The following ZNF322 variants were observed in gnomAD, a reference collection of about 807,000 sequenced individuals.
ZNF322 encodes zinc finger protein 322.
Under a neutral mutation model 18.3 loss-of-function variants are expected in ZNF322, and 1 was observed. That is an observed-to-expected ratio of 0.05 (90% CI 0.02 to 0.26). The LOEUF is 0.26. Among genes scored for constraint, ZNF322 ranks in the 10% least tolerant of loss-of-function variants. The pLI, the probability that ZNF322 is intolerant of heterozygous loss-of-function variation, is 1.00. For missense variants in ZNF322, 36 were observed against 403.6 expected, an observed-to-expected ratio of 0.09 and a Z score of 7.80; for synonymous variants, 17 against 130.7, an observed-to-expected ratio of 0.13 and a Z score of 5.93.
At chr6:26,657,645 T>TTTG (rs1367347973) in intron 2 of ZNF322, among the ~76,000 whole-genome samples, 1 of 152,182 alleles carries the variant, frequency 6.6e-6, no homozygotes, top group Non-Finnish European at 1.5e-5. Flanking sequence ...GGTTAGGACT[T>TTTG]AGTCTTTTGC....
At chr6:26,644,658 T>A (rs1279019225) in intron 2 of ZNF322, among the ~76,000 whole-genome samples, 1 of 152,218 alleles carries the variant, frequency 6.6e-6, no homozygotes, top group Non-Finnish European at 1.5e-5. Flanking sequence ...TTTCTTTTTT[T>A]TCCCCCTTTT....
intron 2 of ZNF322, among the ~76,000 whole-genome samples, chr6:26,654,019 A>G (rs1355556475): frequency 1.3e-5 from 2 of 152,192 alleles, no homozygotes; most frequent in Non-Finnish European, 2.9e-5. Flanking sequence ...AAAGATAAAA[A>G]TAACTCGAAT....
chr6:26,653,912 A>G (rs905006928), intron 2 of ZNF322, among the ~76,000 whole-genome samples: 5 of 152,182 alleles, frequency 3.3e-5, no homozygotes, highest in African/African-American at 1.2e-4. Flanking sequence ...AGAAAAGCAT[A>G]AAAACAAATG....
In ZNF322 at chr6:26,649,639, G is replaced by A. The variant is rs79621233; in HGVS notation, c.-245-5911C>T. Among the ~76,000 whole-genome samples the A allele has an allele frequency of 5.7e-3, 130 of 22,868 alleles. 1 individual carries two copies. The highest frequency in any genetic ancestry group is 0.012 in the African/African-American group (88 of 7,360). The allele number at this position is 22,868 out of a possible 152,430, so 15.0% of individuals were successfully genotyped here. On this transcript the variant is annotated intron_variant, in intron 2 of 3. Coordinates refer to ENST00000415922, the MANE Select transcript of ZNF322 (RefSeq NM_024639.5). Reference sequence around the variant, plus strand: ...TTTTCTTTTATATATACATACATATGTGTGTGTGTGTGTGTGTGTGTGTGT... The same window carrying A: ...TTTTCTTTTATATATACATACATATATGTGTGTGTGTGTGTGTGTGTGTGT...
intron 2 of ZNF322, among the ~76,000 whole-genome samples, chr6:26,654,045 C>A (rs1343199135): frequency 4.6e-5 from 7 of 152,132 alleles, no homozygotes; most frequent in African/African-American, 1.7e-4. Flanking sequence ...CAGATTTTCT[C>A]CCCTGTTGGG....
chr6:26,644,404 G>A (rs932000477), intron 2 of ZNF322, among the ~76,000 whole-genome samples: 1 of 152,158 alleles, frequency 6.6e-6, no homozygotes, highest in African/African-American at 2.4e-5. Context: ...AACATATAGG[G>A]CCATACAGCT....
chr6:26,639,240 T>A (rs1289509595), intron 3 of ZNF322, among the ~76,000 whole-genome samples: 5 of 152,180 alleles, frequency 3.3e-5, no homozygotes, highest in African/African-American at 9.6e-5. Context: ...TAAAGTGGAT[T>A]AATAATAGAA....
intron 3 of ZNF322, among the ~76,000 whole-genome samples, chr6:26,641,978 ATC>A (rs1242325752): frequency 6.6e-6 from 1 of 151,986 alleles, no homozygotes; most frequent in Non-Finnish European, 1.5e-5. Context: ...AGAGGAAGGC[ATC>A]TGTCTCCTGC....
intron 3 of ZNF322, among the ~76,000 whole-genome samples, chr6:26,639,538 A>G (rs1044089439): frequency 6.6e-6 from 1 of 152,222 alleles, no homozygotes; most frequent in Admixed American, 6.5e-5. Flanking sequence ...GTACACATAC[A>G]GAAACACCTA....
Position 26,637,383 on chromosome 6 carries a change from T to G in ZNF322, c.1171A>C (p.Ser391Arg). 6.2e-7 allele frequency: 1 copy of G among 1,613,564 alleles called. No individual in the cohort carries two copies. Among genetic ancestry groups the G allele is most frequent in the Non-Finnish European group, 8.5e-7 (1 of 1,179,652 alleles). Reference sequence around the variant, plus strand: ...GAGGCTTCTGACGCATGGGGAGGGCTAAGCTCAAGACCTTTTTCACTCACA... The same window carrying G: ...GAGGCTTCTGACGCATGGGGAGGGCGAAGCTCAAGACCTTTTTCACTCACA... ...CNVSEKGLEL[S>R]PPHASEASQM... The change falls in exon 4 of 4, where the codon AGC becomes CGC. Residue 391 changes from serine (S) to arginine (R), a missense_variant. Ser to Arg is a moderately radical substitution (Grantham distance 110). Transcript: ENST00000415922.
rs1561924927 is a variant in ZNF322, at chr6:26,649,692, TA to T, written c.-245-5965del. ...GTGTGTGTGTATATATATATATATA[TA>T]TATATATATTTTTTTTTTTTTTTTT... On this transcript the variant is annotated intron_variant, in intron 2 of 3. Transcript: ENST00000415922. 5.4e-4 allele frequency among the ~76,000 whole-genome samples: 44 copies of T among 80,980 alleles called. 1 individual carries two copies. The highest frequency in any genetic ancestry group is 8.6e-4 in the South Asian group (2 of 2,332). 53.1% of individuals were successfully genotyped at this position (80,980 alleles called of 152,430 possible).
intron 3 of ZNF322, among the ~76,000 whole-genome samples, chr6:26,639,595 C>T (rs1765431650): frequency 6.6e-6 from 1 of 151,978 alleles, no homozygotes; most frequent in Non-Finnish European, 1.5e-5. Context: ...CAAGAGAGTT[C>T]AGAGGGAGTA....
intron 2 of ZNF322, among the ~76,000 whole-genome samples, chr6:26,655,998 G>A (rs1275458117): frequency 1.3e-5 from 2 of 152,186 alleles, no homozygotes; most frequent in African/African-American, 2.4e-5. Context: ...TTAATAGACA[G>A]AGGCAAAATC....
chr6:26,641,685 C>T (rs538603604), intron 3 of ZNF322, among the ~76,000 whole-genome samples: 36 of 152,298 alleles, frequency 2.4e-4, no homozygotes, highest in Non-Finnish European at 4.6e-4. Flanking sequence ...TAGGGCTGTG[C>T]AGGATGTGCC....
intron 2 of ZNF322, among the ~76,000 whole-genome samples, chr6:26,648,289 G>T (rs62396175): frequency 0.017 from 2,524 of 152,202 alleles, 33 homozygotes; most frequent in Non-Finnish European, 0.023. Flanking sequence ...AAACACTCAA[G>T]AAAGTGGAAA....
chr6:26,643,003 CTTAT>C (rs1462273013), intron 3 of ZNF322, among the ~76,000 whole-genome samples: 1 of 152,216 alleles, frequency 6.6e-6, no homozygotes, highest in Non-Finnish European at 1.5e-5. Context: ...CCAAACCACT[CTTAT>C]TTCTTACTTT....
At chr6:26,649,675 G>GTGTGTGTATATA (rs1465971500) in intron 2 of ZNF322, among the ~76,000 whole-genome samples, 5 of 22,952 alleles carry the variant, frequency 2.2e-4, no homozygotes, top group Non-Finnish European at 3.5e-4. Flanking sequence ...GTGTGTGTGT[G>GTGTGTGTATATA]TATATATATA....
At chr6:26,657,489 A>G (rs1554149825) in intron 2 of ZNF322, among the ~76,000 whole-genome samples, 1 of 152,102 alleles carries the variant, frequency 6.6e-6, no homozygotes, top group Non-Finnish European at 1.5e-5. Context: ...CTCAAAAAGC[A>G]GCATACCCTG....
intron 2 of ZNF322, among the ~76,000 whole-genome samples, chr6:26,657,270 G>A (rs906580620): frequency 4.6e-5 from 7 of 151,496 alleles, no homozygotes; most frequent in Admixed American, 1.3e-4. Flanking sequence ...AAAAAATCAC[G>A]ACACTTCCCT....
Sources: gnomAD v4.1 joint callset for allele counts (sites outside exome capture counted in the v4.1 genomes callset) on GRCh38, gnomAD v4.1.1 for gene constraint, MANE v1.5 for transcripts, NCBI Gene and HGNC (gene_info 2026-07-23, HGNC 2026-07-21) for gene names.